LRRFIP1: variants seen among roughly 807,000 people sequenced by gnomAD.
LRRFIP1 encodes LRR binding FLII interacting protein 1, also known as leucine-rich repeat flightless-interacting protein 1.
A neutral mutation model predicts 104.4 loss-of-function variants in LRRFIP1; 62 were observed. The observed-to-expected ratio is 0.59, with a 90% CI of 0.48 to 0.73. LRRFIP1 has a LOEUF of 0.73. Among genes scored for constraint, LRRFIP1 ranks in the 30% least tolerant of loss-of-function variants. LRRFIP1 has a pLI of 0.00. For missense variants in LRRFIP1, 796 were observed against 824.5 expected (o/e 0.97, Z 0.42); for synonymous variants, 300 against 299.0 (o/e 1.00, Z -0.03).
intron 11 of LRRFIP1, among the ~76,000 whole-genome samples, chr2:237,742,546 A>G (rs985137755): frequency 5.3e-5 from 8 of 152,232 alleles, no homozygotes; most frequent in African/African-American, 1.9e-4. Flanking sequence ...ATCTGAAGAG[A>G]GCCTGGGAGA....
chr2:237,666,257 G>A (rs1415719882), intron 1 of LRRFIP1, among the ~76,000 whole-genome samples: 1 of 152,248 alleles, frequency 6.6e-6, no homozygotes, highest in African/African-American at 2.4e-5. Flanking sequence ...GTCTGTAAAT[G>A]GGCGCATTGG....
chr2:237,688,566 C>T (rs771345599), intron 1 of LRRFIP1, among the ~76,000 whole-genome samples: 13 of 149,126 alleles, frequency 8.7e-5, no homozygotes, highest in South Asian at 2.1e-4. Context: ...TCAAGTGATT[C>T]TCATGCCTCT....
At chr2:237,680,365 G>A (rs1460549450) in intron 1 of LRRFIP1, among the ~76,000 whole-genome samples, 2 of 152,166 alleles carry the variant, frequency 1.3e-5, no homozygotes, top group Non-Finnish European at 2.9e-5. Flanking sequence ...AAAATGGATG[G>A]TTGCCTCTGT....
At chr2:237,773,745 G>C (rs576673368) in intron 22 of LRRFIP1, 1 of 152,458 alleles carries the variant, frequency 6.6e-6, no homozygotes, top group East Asian at 1.9e-4. Flanking sequence ...AAACAGGACT[G>C]TTTCCCCCTC....
chr2:237,758,866 A>AT (rs397840047), intron 18 of LRRFIP1, 45 bp downstream of exon 18: 2 of 1,500,130 alleles, frequency 1.3e-6, no homozygotes, highest in Non-Finnish European at 1.8e-6. Flanking sequence ...AAGAAAAAAA[A>AT]TCCAGGTGAC....
At chr2:237,636,032 G>A (rs1575033460) in intron 1 of LRRFIP1, among the ~76,000 whole-genome samples, 1 of 151,432 alleles carries the variant, frequency 6.6e-6, no homozygotes, top group East Asian at 1.9e-4. Flanking sequence ...AGGGGACAGA[G>A]GTTGCAGTGA....
chr2:237,710,283 CT>C (rs1036883484), intron 2 of LRRFIP1, among the ~76,000 whole-genome samples: 6 of 148,038 alleles, frequency 4.1e-5, no homozygotes, highest in South Asian at 2.2e-4. Context: ...TGATTGTATC[CT>C]TTTTTTTTTC....
intron 1 of LRRFIP1, among the ~76,000 whole-genome samples, chr2:237,639,435 T>A (rs1271864960): frequency 6.6e-6 from 1 of 152,196 alleles, no homozygotes; most frequent in Non-Finnish European, 1.5e-5. Flanking sequence ...CACTTTTACT[T>A]CTTGGTCTTG....
intron 1 of LRRFIP1, among the ~76,000 whole-genome samples, chr2:237,637,672 T>A (rs538597464): frequency 1.3e-5 from 2 of 152,300 alleles, no homozygotes; most frequent in African/African-American, 4.8e-5. Flanking sequence ...GAGCCTCCAC[T>A]GGCATATTAT....
chr2:237,750,313 CT>C lies in LRRFIP1; in HGVS notation c.796-883del, dbSNP rs1559780776. On this transcript the variant is annotated intron_variant, in intron 13 of 23. Coordinates refer to ENST00000308482, the MANE Select transcript of LRRFIP1 (RefSeq NM_001137550.2). ...TCCCTTTTTTTTTCCTTTTTCTTTT[CT>C]TTTCTTTCTTTCTTTTTTTTTTTTT... 4.6e-3 allele frequency among the ~76,000 whole-genome samples: 572 copies of C among 123,358 alleles called. 3 individuals are homozygous for C. The highest frequency in any genetic ancestry group is 0.016 in the African/African-American group (542 of 33,604). 80.9% of individuals were successfully genotyped at this position (123,358 alleles called of 152,430 possible).
chr2:237,632,293 C>A (rs573958662), intron 1 of LRRFIP1, among the ~76,000 whole-genome samples: 1 of 152,224 alleles, frequency 6.6e-6, no homozygotes, highest in Non-Finnish European at 1.5e-5. Flanking sequence ...TGTGAGGTCA[C>A]AAAATGTCCC....
chr2:237,657,461 G>A (rs1460419957), intron 1 of LRRFIP1, among the ~76,000 whole-genome samples: 1 of 152,148 alleles, frequency 6.6e-6, no homozygotes, highest in Non-Finnish European at 1.5e-5. Flanking sequence ...AGATGGCCAT[G>A]ATAAAGAGGT....
chr2:237,681,589 AC>A (rs2091820926), intron 1 of LRRFIP1, among the ~76,000 whole-genome samples: 3 of 150,670 alleles, frequency 2.0e-5, no homozygotes, highest in South Asian at 4.2e-4. Flanking sequence ...CTGATCTTGA[AC>A]TAGTGACCGC....
intron 1 of LRRFIP1, among the ~76,000 whole-genome samples, chr2:237,695,507 G>A (rs934868227): frequency 1.4e-4 from 22 of 152,162 alleles, no homozygotes; most frequent in South Asian, 2.1e-4. Context: ...TCTTATCCCC[G>A]AAAAATCAGG....
intron 1 of LRRFIP1, among the ~76,000 whole-genome samples, chr2:237,667,085 C>A (rs200342438): frequency 6.6e-6 from 1 of 151,882 alleles, no homozygotes; most frequent in South Asian, 2.1e-4. Flanking sequence ...TAGGTCTACA[C>A]GTGCCACGGT....
rs539827448 is a variant in LRRFIP1, at chr2:237,706,994, C to G, written c.97-1550C>G. Among the ~76,000 whole-genome samples, 3 of 152,218 alleles carry G rather than the reference C, an allele frequency of 2.0e-5. No homozygotes were observed. The East Asian group carries it at 5.8e-4, about 29-fold the overall frequency. On this transcript the variant is annotated intron_variant, in intron 1 of 23. Transcript: ENST00000308482. ...GAAATTGAAAATGGCAACAAGGTATCAAAATCCTGATGCAGTTGTGATTTT... is the reference window on the plus strand; with the variant it reads ...GAAATTGAAAATGGCAACAAGGTATGAAAATCCTGATGCAGTTGTGATTTT...
Position 237,779,471 on chromosome 2 carries a change from A to T in LRRFIP1, c.1862A>T (p.His621Leu). ...KTEELEVSNG[H>L]LVKRLEKMKA... is the part of the protein sequence containing the mutation. ...GAAGAGCTCGAGGTGAGCAACGGCC[A>T]CTTAGTGAAGCGTCTGGAAAAAATG... is the stretch of plus-strand genomic sequence containing the variant. Residue 621 changes from histidine (H) to leucine (L), a missense_variant, in exon 24 of 24, where the codon CAC becomes CTC. Coordinates refer to ENST00000308482, the MANE Select transcript of LRRFIP1 (RefSeq NM_001137550.2). 1 of 1,613,846 alleles carries T rather than the reference A, an allele frequency of 6.2e-7. No homozygotes were observed. Among genetic ancestry groups the T allele is most frequent in the Non-Finnish European group, 8.5e-7 (1 of 1,179,758 alleles).
At chr2:237,671,622 T>C (rs2090351346) in intron 1 of LRRFIP1, among the ~76,000 whole-genome samples, 1 of 151,962 alleles carries the variant, frequency 6.6e-6, no homozygotes. Flanking sequence ...AAGGAGTGGC[T>C]CAGGAGCTCT....
At chr2:237,688,859 C>T (rs184055439) in intron 1 of LRRFIP1, among the ~76,000 whole-genome samples, 1 of 152,040 alleles carries the variant, frequency 6.6e-6, no homozygotes, top group Admixed American at 6.5e-5. Context: ...TATGATTTAA[C>T]GTTACTCTGC....
Sources: allele counts gnomAD v4.1 joint callset (sites outside exome capture counted in the v4.1 genomes callset), GRCh38; gene constraint gnomAD v4.1.1; transcripts MANE v1.5; gene names NCBI Gene and HGNC (gene_info 2026-07-23, HGNC 2026-07-21).